RBBP8: variants seen among roughly 807,000 people sequenced by gnomAD.
RBBP8 encodes the protein RB binding protein 8, endonuclease.
A neutral mutation model predicts 108.3 loss-of-function variants in RBBP8; 88 were observed. The ratio of observed to expected loss-of-function variants is 0.81; its 90% confidence interval spans 0.68 to 0.97. RBBP8 has a LOEUF of 0.97. Ranked by LOEUF, RBBP8 falls within the 50% of genes least tolerant of loss-of-function variation. The pLI is 0.00. For synonymous variants in RBBP8, 332 were observed against 348.2 expected, an observed-to-expected ratio of 0.95 and a Z score of 0.52; for missense variants, 1,023 against 1,049.0, an observed-to-expected ratio of 0.98 and a Z score of 0.34.
At chr18:22,990,131 C>T (rs1308569627) in intron 9 of RBBP8, among the ~76,000 whole-genome samples, 1 of 151,908 alleles carries the variant, frequency 6.6e-6, no homozygotes, top group Non-Finnish European at 1.5e-5. Flanking sequence ...TTTCTAATTC[C>T]CCCCTACCCA....
chr18:23,015,748 G>T (rs8086515), intron 16 of RBBP8, among the ~76,000 whole-genome samples: 26,215 of 151,896 alleles, frequency 0.17, 3,045 homozygotes, highest in African/African-American at 0.34. Context: ...TGGCTCCTAT[G>T]TAAAAAAAAT....
chr18:23,023,869 C>CT (rs10655759), intron 18 of RBBP8, among the ~76,000 whole-genome samples: 19,828 of 85,400 alleles, frequency 0.23, 4,330 homozygotes, highest in East Asian at 0.39. Flanking sequence ...ATGAAGGGGC[C>CT]TTTTTTTTTT....
At position 22,975,205 on chromosome 18, in the gene RBBP8, C is replaced by A. The variant is rs780501301; in HGVS notation, c.414C>A (p.Leu138=). 1.1e-5 allele frequency: 17 copies of A among 1,612,676 alleles called. No homozygotes were observed. Among genetic ancestry groups the A allele is most frequent in the Non-Finnish European group, 1.4e-5 (17 of 1,179,270 alleles). The change falls in exon 6 of 19, where the codon CTC becomes CTA. Residue 138 remains leucine (L), a synonymous_variant. Transcript: ENST00000327155. Reference sequence around the variant, plus strand: ...AAAATAAAAAGCTTTCTGAACAACTCCAGCAGAAAATTGAGTAAGTATTTT... The same window carrying A: ...AAAATAAAAAGCTTTCTGAACAACTACAGCAGAAAATTGAGTAAGTATTTT... The part of the protein sequence containing the change: ...QEENKKLSEQ[L]QQKIENDQQH...
intron 4 of RBBP8, among the ~76,000 whole-genome samples, chr18:22,964,904 T>A (rs140052477): frequency 5.3e-4 from 81 of 152,260 alleles, no homozygotes; most frequent in African/African-American, 1.9e-3. Flanking sequence ...TAGAATATAG[T>A]ATGTCCTCAC....
intron 14 of RBBP8, among the ~76,000 whole-genome samples, chr18:22,998,823 G>A (rs77840899): frequency 0.019 from 2,824 of 152,256 alleles, 86 homozygotes; most frequent in African/African-American, 0.062. Context: ...ATGACAAATA[G>A]CAAACCATAT....
intron 10 of RBBP8, 25 bp downstream of exon 10, chr18:22,991,074 A>G (rs1325660484): frequency 6.7e-7 from 1 of 1,491,172 alleles, no homozygotes; most frequent in East Asian, 2.3e-5. Flanking sequence ...GTTGGTGAAA[A>G]CTGATAAGCT....
intron 6 of RBBP8, 35 bp from the exon 7 acceptor site, chr18:22,982,183 G>T: frequency 6.3e-7 from 1 of 1,589,996 alleles, no homozygotes; most frequent in Non-Finnish European, 8.6e-7. Flanking sequence ...AATACTCATT[G>T]AATTGATTTT....
intron 16 of RBBP8, among the ~76,000 whole-genome samples, chr18:23,007,935 C>T (rs1223444259): frequency 6.6e-6 from 1 of 151,562 alleles, no homozygotes; most frequent in African/African-American, 2.4e-5. Flanking sequence ...TCATCAGCCT[C>T]GCGAGTAGCT....
chr18:22,957,460 A>G (rs1369086168), intron 4 of RBBP8, among the ~76,000 whole-genome samples: 1 of 152,158 alleles, frequency 6.6e-6, no homozygotes, highest in Non-Finnish European at 1.5e-5. Context: ...TTTTTGGGCT[A>G]TAGCAAACAA....
upstream of RBBP8, among the ~76,000 whole-genome samples, chr18:22,931,258 G>C (rs775108377): frequency 1.3e-5 from 2 of 152,156 alleles, no homozygotes; most frequent in Non-Finnish European, 2.9e-5. Context: ...ACTCCAGGCA[G>C]AGACAATAGC....
chr18:22,976,691 G>C (rs1361966575), intron 6 of RBBP8, among the ~76,000 whole-genome samples: 1 of 152,022 alleles, frequency 6.6e-6, no homozygotes, highest in East Asian at 1.9e-4. Context: ...TTAGATAAGT[G>C]ATTGTTGACC....
intron 3 of RBBP8, among the ~76,000 whole-genome samples, chr18:22,922,496 T>C (rs1391596547): frequency 3.3e-5 from 5 of 152,124 alleles, no homozygotes; most frequent in Admixed American, 3.3e-4. Flanking sequence ...AGGGTCTCAC[T>C]CTGTCACCCA....
In RBBP8 at chr18:22,946,424, C is replaced by T; in HGVS notation, c.110-20C>T. ...AAAGGAACTGTTGTAGAAGTAATACCTTTTCTTTTTACTTTTCAGGTTTAC... is the reference window on the plus strand; with the variant it reads ...AAAGGAACTGTTGTAGAAGTAATACTTTTTCTTTTTACTTTTCAGGTTTAC... On this transcript the variant is annotated intron_variant, in intron 2 of 18. Coordinates refer to ENST00000327155, the MANE Select transcript of RBBP8 (RefSeq NM_002894.3). 1.2e-6 allele frequency: 2 copies of T among 1,611,410 alleles called. No individual in the cohort carries two copies. The highest frequency in any genetic ancestry group is 1.7e-5 in the Admixed American group (1 of 59,868).
intron 2 of RBBP8, among the ~76,000 whole-genome samples, chr18:22,944,624 A>G (rs1357113672): frequency 6.6e-6 from 1 of 152,238 alleles, no homozygotes; most frequent in Non-Finnish European, 1.5e-5. Context: ...TTTATCTGTA[A>G]CATTTTTTTC....
intron 3 of RBBP8, among the ~76,000 whole-genome samples, chr18:22,948,964 G>GT (rs1306863860): frequency 2.6e-5 from 4 of 151,980 alleles, no homozygotes; most frequent in Admixed American, 2.0e-4. Context: ...GTCTTTGTTA[G>GT]TTTTTTTTCT....
At position 22,936,896 on chromosome 18, in the gene RBBP8, T is replaced by C; in HGVS notation, c.45T>C (p.Asp15=). The stretch of plus-strand genomic sequence containing the variant: ...GCTGTGGAAGCCCTAACTCTGCAGA[T>C]ACATCTAGTGACTTTAAGGACCTTT... ...GSSCGSPNSA[D]TSSDFKDLWT... is the part of the protein sequence containing the mutation. The change falls in exon 2 of 19, where the codon GAT becomes GAC. Residue 15 remains aspartate, a synonymous_variant. Transcript: ENST00000327155. 2 of 1,614,156 alleles carry C rather than the reference T, an allele frequency of 1.2e-6. No individual in the cohort carries two copies. Among genetic ancestry groups the C allele is most frequent in the Non-Finnish European group, 1.7e-6 (2 of 1,180,026 alleles).
At chr18:22,930,788 A>G (rs543679075), upstream of RBBP8, among the ~76,000 whole-genome samples, 6 of 152,234 alleles carry the variant, frequency 3.9e-5, no homozygotes, top group African/African-American at 1.4e-4. Context: ...TTTTAATTTT[A>G]AGACAGGGTC....
At chr18:22,959,824 C>T (rs1293109982) in intron 4 of RBBP8, among the ~76,000 whole-genome samples, 1 of 149,722 alleles carries the variant, frequency 6.7e-6, no homozygotes, top group Non-Finnish European at 1.5e-5. Flanking sequence ...TGCTTTTCCC[C>T]CTCAAGGTCT....
At chr18:22,944,018 T>C (rs1911329234) in intron 2 of RBBP8, among the ~76,000 whole-genome samples, 1 of 152,172 alleles carries the variant, frequency 6.6e-6, no homozygotes, top group Non-Finnish European at 1.5e-5. Context: ...AGGTTGCCAG[T>C]GTTACAATCC....
Sources: gnomAD v4.1 joint callset for allele counts (sites outside exome capture counted in the v4.1 genomes callset) on GRCh38, gnomAD v4.1.1 for gene constraint, MANE v1.5 for transcripts, NCBI Gene and HGNC (gene_info 2026-07-23, HGNC 2026-07-21) for gene names.